Variants in PTPN14 observed in about 807,000 individuals in gnomAD.
PTPN14 encodes the protein tyrosine-protein phosphatase non-receptor type 14.
In PTPN14, 53 loss-of-function variants were observed where a neutral mutation model predicts 126.8. The observed-to-expected ratio is 0.42, with a 90% confidence interval of 0.34 to 0.53. PTPN14 has a LOEUF of 0.53. PTPN14 is among the 20% of genes least tolerant of loss of function. PTPN14 has a pLI of 0.08. For synonymous variants in PTPN14, 630 were observed against 599.3 expected (o/e 1.05, Z -0.75); for missense variants, 1,257 against 1,552.9 (o/e 0.81, Z 3.20).
intron 1 of PTPN14, among the ~76,000 whole-genome samples, chr1:214,503,693 G>A (rs1314904214): frequency 2.6e-5 from 4 of 152,094 alleles, no homozygotes; most frequent in Non-Finnish European, 4.4e-5. Context: ...GGTGTAATTC[G>A]GTAAAATCCT....
intron 3 of PTPN14, among the ~76,000 whole-genome samples, chr1:214,415,412 T>G (rs1465542313): frequency 6.6e-6 from 1 of 152,146 alleles, no homozygotes; most frequent in Non-Finnish European, 1.5e-5. Context: ...CCTAAAACAT[T>G]TAGAAAACTT....
At position 214,390,849 on chromosome 1, in the gene PTPN14, T is replaced by A. The variant is rs1473288149; in HGVS notation, c.987+139A>T. On this transcript the variant is annotated intron_variant, in intron 11 of 18. Coordinates refer to ENST00000366956, the MANE Select transcript of PTPN14 (RefSeq NM_005401.5). ...GGGGACAAAACGGGTGTCCATCGCA[T>A]CTGCTTGACAGAATGACGCCTCTGT... The A allele has an allele frequency of 4.9e-6, 3 of 615,224 alleles. 1 individual carries two copies. The highest frequency in any genetic ancestry group is 9.0e-5 in the South Asian group (2 of 22,148). 38.1% of individuals were successfully genotyped at this position (615,224 alleles called of 1,614,324 possible). A position where few individuals can be genotyped will look rare whatever the true frequency, so the allele number is the denominator to read the frequency against.
In PTPN14 at chr1:214,506,956, A is replaced by G. The variant is rs76439005; in HGVS notation, c.-154-41999T>C. ...TGTACTGAGGAAAGGACCACTTTAT[A>G]TTGTCTCTACACAGCTGTGTTTAAG... On this transcript the variant is annotated intron_variant, in intron 1 of 18. Coordinates refer to ENST00000366956, the MANE Select transcript of PTPN14 (RefSeq NM_005401.5). Among the ~76,000 whole-genome samples the G allele has an allele frequency of 6.6e-3, 989 of 150,334 alleles. 5 individuals are homozygous for G. Among genetic ancestry groups the G allele is most frequent in the Non-Finnish European group, 0.011 (729 of 67,578 alleles).
chr1:214,511,353 C>T (rs745494661), intron 1 of PTPN14, among the ~76,000 whole-genome samples: 24 of 152,058 alleles, frequency 1.6e-4, no homozygotes, highest in Non-Finnish European at 3.2e-4. Flanking sequence ...AATTTAAAAA[C>T]ACAGACTACC....
intron 3 of PTPN14, among the ~76,000 whole-genome samples, chr1:214,423,327 C>T (rs1659585736): frequency 6.6e-6 from 1 of 151,948 alleles, no homozygotes; most frequent in African/African-American, 2.4e-5. Flanking sequence ...ACTGTCTCCC[C>T]GCAACACCCC....
intron 5 of PTPN14, among the ~76,000 whole-genome samples, chr1:214,403,447 G>A (rs1244566762): frequency 1.3e-5 from 2 of 152,116 alleles, no homozygotes; most frequent in Non-Finnish European, 2.9e-5. Context: ...TTACTTGATG[G>A]TCACGGGGGC....
chr1:214,384,349 T>C lies in PTPN14; in HGVS notation c.1506A>G (p.Pro502=), dbSNP rs1658556155. 1 of 1,614,032 alleles carries C rather than the reference T, an allele frequency of 6.2e-7. No homozygotes were observed. Among genetic ancestry groups the C allele is most frequent in the African/African-American group, 1.3e-5 (1 of 74,906 alleles). ...CAAGTTTGTTGCTGTAGACCCCCTG[T>C]GGCCCATAAGGGACAGTGTAGGGGT... is the stretch of plus-strand genomic sequence containing the variant. ...ERHPYTVPYG[P]QGVYSNKLVS... Residue 502 remains proline, a synonymous_variant, in exon 13 of 19, where the codon CCA becomes CCG. Coordinates refer to ENST00000366956, the MANE Select transcript of PTPN14 (RefSeq NM_005401.5). The surrounding 1 kb of genome is among the most constrained non-coding windows in gnomAD (Gnocchi z 5.3).
intron 3 of PTPN14, 63 bp downstream of exon 3, chr1:214,451,742 T>A (rs1660276096): frequency 6.4e-6 from 10 of 1,556,202 alleles, no homozygotes; most frequent in Non-Finnish European, 8.7e-6. Flanking sequence ...CTCATCTACT[T>A]CATTGGAAGC....
In PTPN14 at chr1:214,387,556, G is replaced by A. The variant is rs546944086; in HGVS notation, c.988-634C>T. ...TATCTGGGCGTGGCGACATGCACCT[G>A]TAGTCCCAGCTACTTGGGAGGCTGA... On this transcript the variant is annotated intron_variant, in intron 11 of 18. Transcript: ENST00000366956. Among the ~76,000 whole-genome samples the A allele has an allele frequency of 1.6e-4, 25 of 152,036 alleles. 1 individual carries two copies. The South Asian group carries it at 5.0e-3, about 30-fold the overall frequency.
In PTPN14 at chr1:214,383,107, A is replaced by G. The variant is rs1263580413; in HGVS notation, c.2544+204T>C. Among the ~76,000 whole-genome samples the G allele has an allele frequency of 1.3e-5, 2 of 152,260 alleles. No homozygotes were observed. The highest frequency in any genetic ancestry group is 2.9e-5 in the Non-Finnish European group (2 of 68,042). ...CTGGCCTCAATAACGTACCAAGTAC[A>G]CCTGTTAGAAGCCACAAATGAGAAT... On this transcript the variant is annotated intron_variant, in intron 13 of 18. Transcript: ENST00000366956. This position sits in a 1 kb window ranked among gnomAD's most constrained non-coding sequence, Gnocchi z 4.4.
intron 1 of PTPN14, among the ~76,000 whole-genome samples, chr1:214,506,909 G>GT (rs367623988): frequency 0.029 from 3,993 of 136,550 alleles, 90 homozygotes; most frequent in African/African-American, 0.081. Context: ...AAGAGCGCGG[G>GT]TTTTTTTTTT....
intron 18 of PTPN14, among the ~76,000 whole-genome samples, chr1:214,362,263 A>T (rs1267814201): frequency 6.6e-6 from 1 of 152,234 alleles, no homozygotes; most frequent in Non-Finnish European, 1.5e-5. Context: ...GAAATAGGAC[A>T]GATAAGACTG....
intron 1 of PTPN14, among the ~76,000 whole-genome samples, chr1:214,549,637 G>A (rs1656055422): frequency 6.6e-6 from 1 of 152,102 alleles, no homozygotes; most frequent in Non-Finnish European, 1.5e-5. Flanking sequence ...CCACACCTAC[G>A]GCTGTCAAAC....
chr1:214,441,845 T>C (rs1660042620), intron 3 of PTPN14, among the ~76,000 whole-genome samples: 1 of 152,232 alleles, frequency 6.6e-6, no homozygotes, highest in South Asian at 2.1e-4. Context: ...AAGTAGACTA[T>C]TTTAACATTT....
intron 17 of PTPN14, among the ~76,000 whole-genome samples, chr1:214,365,051 T>A (rs1057284495): frequency 2.0e-5 from 3 of 152,128 alleles, no homozygotes; most frequent in Admixed American, 2.0e-4. Flanking sequence ...CAGACTGGGA[T>A]CAGAACAACT....
At chr1:214,416,548 C>G (rs1403034692) in intron 3 of PTPN14, among the ~76,000 whole-genome samples, 1 of 152,116 alleles carries the variant, frequency 6.6e-6, no homozygotes, top group Non-Finnish European at 1.5e-5. Context: ...ACTCACAATC[C>G]ACTAGCAAGG....
At position 214,386,909 on chromosome 1, in the gene PTPN14, G is replaced by GGCT. The variant is rs1251587721; in HGVS notation, c.998_1000dup (p.Gln333dup). On this transcript the variant is annotated inframe_insertion, in exon 12 of 19. Coordinates refer to ENST00000366956, the MANE Select transcript of PTPN14 (RefSeq NM_005401.5). ...GACGTGAACGGGAGGCAGGATGTAC[G>GGCT]GCTGCTGCCTGGGCTGAAACAGAGA... The GGCT allele has an allele frequency of 6.2e-7, 1 of 1,604,788 alleles. No individual in the cohort carries two copies. Among genetic ancestry groups the GGCT allele is most frequent in the African/African-American group, 1.3e-5 (1 of 74,698 alleles).
intron 1 of PTPN14, among the ~76,000 whole-genome samples, chr1:214,494,801 G>A (rs76633369): frequency 0.046 from 7,014 of 152,226 alleles, 199 homozygotes; most frequent in South Asian, 0.075. Flanking sequence ...AAGGGGGAAG[G>A]GCAGTTGTGT....
intron 15 of PTPN14, among the ~76,000 whole-genome samples, chr1:214,373,964 A>C (rs1159459698): frequency 6.6e-6 from 1 of 152,188 alleles, no homozygotes; most frequent in Admixed American, 6.5e-5. Context: ...CAGGGTGATC[A>C]GGGGAAGATA....
Sources: allele counts gnomAD v4.1 joint callset (sites outside exome capture counted in the v4.1 genomes callset), GRCh38; gene constraint gnomAD v4.1.1; non-coding constraint Gnocchi (gnomAD v3.1); transcripts MANE v1.5; gene names NCBI Gene and HGNC (gene_info 2026-07-23, HGNC 2026-07-21).